The following EEF1AKMT4 variants were observed in gnomAD, a reference collection of about 807,000 sequenced individuals.
The protein encoded by EEF1AKMT4 is eukaryotic translation elongation factor 1 alpha lysine specific methyltransferase 4.
In EEF1AKMT4, 17 loss-of-function variants were observed where a neutral mutation model predicts 23.0. That is an observed-to-expected ratio of 0.74 (90% CI 0.51 to 1.11). The LOEUF is 1.11. EEF1AKMT4 is among the 50% of genes least tolerant of loss of function. The pLI is 0.00. For missense variants in EEF1AKMT4, 318 were observed against 333.4 expected, an observed-to-expected ratio of 0.95 and a Z score of 0.36; for synonymous variants, 140 against 141.4, an observed-to-expected ratio of 0.99 and a Z score of 0.07.
At chr3:184,256,666 C>CTT (rs1386804768) in intron 1 of EEF1AKMT4, among the ~76,000 whole-genome samples, 2 of 144,380 alleles carry the variant, frequency 1.4e-5, no homozygotes, top group Non-Finnish European at 1.5e-5. Context: ...GTTCTTAATT[C>CTT]TTTTTTTTTT....
intron 1 of EEF1AKMT4, among the ~76,000 whole-genome samples, chr3:184,253,810 C>T (rs1212333412): frequency 6.6e-6 from 1 of 151,850 alleles, no homozygotes; most frequent in Admixed American, 6.6e-5. Flanking sequence ...GCTGGGATTA[C>T]AGGCGCCCAC....
chr3:184,256,279 A>AAAAAAAAAAAG (rs1719797262), intron 1 of EEF1AKMT4, among the ~76,000 whole-genome samples: 2 of 150,238 alleles, frequency 1.3e-5, no homozygotes, highest in Non-Finnish European at 3.0e-5. Context: ...TCTCAAAAAA[A>AAAAAAAAAAAG]AAAAAAAAAA....
intron 1 of EEF1AKMT4, among the ~76,000 whole-genome samples, chr3:184,256,147 G>A (rs1322528354): frequency 6.6e-6 from 1 of 151,930 alleles, no homozygotes; most frequent in Admixed American, 6.6e-5. Context: ...GGTGGTGCGT[G>A]CCTGTAGTCC....
chr3:184,258,478 T>C lies in EEF1AKMT4; in HGVS notation c.671T>C (p.Leu224Pro). The C allele has an allele frequency of 6.2e-7, 1 of 1,613,866 alleles. No individual in the cohort carries two copies. Among genetic ancestry groups the C allele is most frequent in the Non-Finnish European group, 8.5e-7 (1 of 1,179,864 alleles). Reference protein sequence around the residue: ...GGKLSVAQLALGAQILSPPRP... With the variant: ...GGKLSVAQLAPGAQILSPPRP... ...AAGCTCAGTGTGGCCCAGCTGGCTC[T>C]GGGGGCCCAAATCCTCTCACCCCCC... Residue 224 changes from leucine to proline, a missense_variant, in exon 3 of 3, where the codon CTG (leucine) becomes CCG (proline). Coordinates refer to ENST00000324557, the MANE Select transcript of EEF1AKMT4 (RefSeq NM_032331.4).
chr3:184,258,179 G>A, intron 2 of EEF1AKMT4, 109 bp from the exon 3 acceptor site: 1 of 1,039,648 alleles, frequency 9.6e-7, no homozygotes. Flanking sequence ...CTGAGCTACA[G>A]ATGTGGGGTG....
At chr3:184,250,128 G>T (rs2108446719) in intron 1 of EEF1AKMT4, among the ~76,000 whole-genome samples, 1 of 152,348 alleles carries the variant, frequency 6.6e-6, no homozygotes, top group East Asian at 1.9e-4. Context: ...GAGCGTTGGG[G>T]GTACCCAAGA....
rs766759873 is a variant in EEF1AKMT4 at position 184,249,690 on chromosome 3, A to G, written c.-5A>G. The G allele has an allele frequency of 6.3e-7, 1 of 1,589,104 alleles. No individual in the cohort carries two copies. The highest frequency in any genetic ancestry group is 8.6e-7 in the Non-Finnish European group (1 of 1,162,808). The stretch of plus-strand genomic sequence containing the variant: ...GGCGGCTCTGGCTGCCCGGCGGTTG[A>G]GAGCATGGCCTCTCCAGGGGCAGGT... On this transcript the variant is annotated 5_prime_UTR_variant, in exon 1 of 3. Transcript: ENST00000324557.
chr3:184,257,570 G>A lies in EEF1AKMT4; in HGVS notation c.294G>A (p.Gln98=). The A allele has an allele frequency of 6.2e-7, 1 of 1,614,196 alleles. No individual in the cohort carries two copies. The highest frequency in any genetic ancestry group is 2.2e-5 in the East Asian group (1 of 44,888). Reference sequence around the variant, plus strand: ...CATCAGTCGTGGTGGCTGCCATGCAGGCTCGCCATGCCCATGTGCCGCAGC... The same window carrying A: ...CATCAGTCGTGGTGGCTGCCATGCAAGCTCGCCATGCCCATGTGCCGCAGC... ...DYSSVVVAAM[Q]ARHAHVPQLR... The change falls in exon 2 of 3, where the codon CAG becomes CAA. Residue 98 remains glutamine (Q), a synonymous_variant. Coordinates refer to ENST00000324557, the MANE Select transcript of EEF1AKMT4 (RefSeq NM_032331.4).
intron 2 of EEF1AKMT4, 126 bp from the exon 3 acceptor site, chr3:184,258,162 G>A: frequency 1.1e-6 from 1 of 924,404 alleles, no homozygotes. Context: ...TCTTTGCCAT[G>A]GAAAGCCTGA....
intron 1 of EEF1AKMT4, among the ~76,000 whole-genome samples, chr3:184,251,000 G>T (rs375840062): frequency 6.7e-6 from 1 of 149,930 alleles, no homozygotes; most frequent in Non-Finnish European, 1.5e-5. Flanking sequence ...CAGGAAAATC[G>T]CTTGAACCAG....
rs1004067642 is a variant in EEF1AKMT4 at position 184,257,461 on chromosome 3, C to T, written c.197-12C>T. On this transcript the variant is annotated splice_polypyrimidine_tract_variant and intron_variant, in intron 1 of 2. Coordinates refer to ENST00000324557, the MANE Select transcript of EEF1AKMT4 (RefSeq NM_032331.4). The stretch of plus-strand genomic sequence containing the variant: ...ACGTAGCTCTTTTGCTACCCATTCC[C>T]TCCCACCCCAGGTTGCGGGAACAGT... 8.2e-6 allele frequency: 13 copies of T among 1,588,832 alleles called. No homozygotes were observed. The African/African-American group carries it at 1.5e-4, about 18-fold the overall frequency.
chr3:184,254,083 A>T (rs531697951), intron 1 of EEF1AKMT4, among the ~76,000 whole-genome samples: 1 of 152,270 alleles, frequency 6.6e-6, no homozygotes, highest in Non-Finnish European at 1.5e-5. Flanking sequence ...TTTATTGAAA[A>T]TGGGAATCAG....
Position 184,258,605 on chromosome 3 carries a change from C to A in EEF1AKMT4, c.*30C>A. Reference sequence around the variant, plus strand: ...AGAGCATGGTCCTCCACCCTTCCTGCCATTCTGCCCTGGGCTCCTCAGGTA... The same window carrying A: ...AGAGCATGGTCCTCCACCCTTCCTGACATTCTGCCCTGGGCTCCTCAGGTA... On this transcript the variant is annotated 3_prime_UTR_variant, in exon 3 of 3. Transcript: ENST00000324557. 1 of 1,535,702 alleles carries A rather than the reference C, an allele frequency of 6.5e-7. No individual in the cohort carries two copies. The highest frequency in any genetic ancestry group is 8.8e-7 in the Non-Finnish European group (1 of 1,141,616).
chr3:184,258,445 A>G lies in EEF1AKMT4; in HGVS notation c.638A>G (p.Lys213Arg). The G allele has an allele frequency of 6.2e-7, 1 of 1,613,910 alleles. No individual in the cohort carries two copies. Among genetic ancestry groups the G allele is most frequent in the Non-Finnish European group, 8.5e-7 (1 of 1,179,906 alleles). The change falls in exon 3 of 3, where the codon AAG (lysine) becomes AGG (arginine). Residue 213 changes from lysine to arginine, a missense_variant. Lys to Arg is a conservative substitution (Grantham distance 26, BLOSUM62 2). Transcript: ENST00000324557. Reference sequence around the variant, plus strand: ...CACTTCCATCTCTACCTCATGCACAAGGGCGGGAAGCTCAGTGTGGCCCAG... The same window carrying G: ...CACTTCCATCTCTACCTCATGCACAGGGGCGGGAAGCTCAGTGTGGCCCAG... ...GFHFHLYLMH[K>R]GGKLSVAQLA...
chr3:184,252,188 C>T (rs1719589464), intron 1 of EEF1AKMT4, among the ~76,000 whole-genome samples: 1 of 152,158 alleles, frequency 6.6e-6, no homozygotes, highest in Admixed American at 6.5e-5. Context: ...GATTCTTATG[C>T]TGGTGATTGG....
chr3:184,257,359 G>A (rs868383240), intron 1 of EEF1AKMT4, 114 bp from the exon 2 acceptor site: 1 of 1,091,434 alleles, frequency 9.2e-7, no homozygotes. Flanking sequence ...CCTCCTCTCA[G>A]TACTAGAGGG....
intron 1 of EEF1AKMT4, among the ~76,000 whole-genome samples, chr3:184,252,363 C>T (rs2108448365): frequency 6.6e-6 from 1 of 152,158 alleles, no homozygotes; most frequent in South Asian, 2.1e-4. Flanking sequence ...GAACAGGACC[C>T]ACAACTTGGG....
chr3:184,258,120 A>G (rs913900244), intron 2 of EEF1AKMT4, among the ~76,000 whole-genome samples, 168 bp from the exon 3 acceptor site: 11 of 152,144 alleles, frequency 7.2e-5, no homozygotes, highest in African/African-American at 2.7e-4. Flanking sequence ...CCTAATCCCA[A>G]GGAATGGCCA....
chr3:184,257,445 T>G, intron 1 of EEF1AKMT4, 28 bp from the exon 2 acceptor site: 1 of 1,576,476 alleles, frequency 6.3e-7, no homozygotes, highest in Non-Finnish European at 8.6e-7. Context: ...AACGTAGCTC[T>G]TTTGCTACCC....
Sources: allele counts gnomAD v4.1 joint callset (sites outside exome capture counted in the v4.1 genomes callset), GRCh38; gene constraint gnomAD v4.1.1; transcripts MANE v1.5; gene names NCBI Gene and HGNC (gene_info 2026-07-23, HGNC 2026-07-21).